The following SRFBP1 variants were observed in gnomAD, a reference collection of about 807,000 sequenced individuals.
SRFBP1 encodes serum response factor binding protein 1.
SRFBP1 carries 47 observed loss-of-function variants against 45.5 expected under a neutral mutation model. The observed-to-expected ratio is 1.03, with a 90% CI of 0.82 to 1.32. The LOEUF (loss-of-function observed/expected upper bound fraction) is 1.32, where lower values mean the gene tolerates loss of function less well. Ranked by LOEUF, SRFBP1 falls within the 40% of genes most tolerant of loss-of-function variation. The pLI, the probability that SRFBP1 is intolerant of heterozygous loss-of-function variation, is 0.00. For synonymous variants in SRFBP1, 203 were observed against 166.3 expected, an observed-to-expected ratio of 1.22 and a Z score of -1.70; for missense variants, 621 against 484.6, an observed-to-expected ratio of 1.28 and a Z score of -2.64.
chr5:121,969,481 A>G (rs760938602), intron 1 of SRFBP1, among the ~76,000 whole-genome samples: 9 of 151,836 alleles, frequency 5.9e-5, no homozygotes, highest in Non-Finnish European at 2.9e-5. Context: ...TCCTGTGTTT[A>G]TGTTGACTCT....
intron 4 of SRFBP1, among the ~76,000 whole-genome samples, chr5:122,016,980 C>T: frequency 6.6e-6 from 1 of 152,106 alleles, no homozygotes; most frequent in Non-Finnish European, 1.5e-5. Flanking sequence ...CCTGTAATCC[C>T]AGCACTTTGG....
intron 2 of SRFBP1, among the ~76,000 whole-genome samples, chr5:122,041,463 C>A (rs1281412672): frequency 6.6e-6 from 1 of 151,808 alleles, no homozygotes; most frequent in Non-Finnish European, 1.5e-5. Context: ...TGTGGGAGCT[C>A]CTCATATGTT....
intron 2 of SRFBP1, chr5:122,064,049 G>C (rs1035348231): frequency 1.3e-5 from 2 of 151,882 alleles, no homozygotes; most frequent in South Asian, 2.1e-4. Context: ...ATCATCATGA[G>C]ATCGCTAATA....
intron 2 of SRFBP1, among the ~76,000 whole-genome samples, chr5:122,068,174 T>TAAAAAAA (rs10650287): frequency 1.7e-5 from 2 of 115,908 alleles, no homozygotes; most frequent in Admixed American, 9.2e-5. Context: ...TAATAACTAG[T>TAAAAAAA]AAAAAAAAAA....
chr5:122,033,869 G>A (rs1753632811), intron 2 of SRFBP1, among the ~76,000 whole-genome samples: 1 of 144,652 alleles, frequency 6.9e-6, no homozygotes, highest in South Asian at 2.2e-4. Context: ...CATTGCCCAG[G>A]CTGGAGTGCA....
intron 2 of SRFBP1, among the ~76,000 whole-genome samples, chr5:122,045,554 T>C (rs750300787): frequency 1.3e-5 from 2 of 152,188 alleles, no homozygotes; most frequent in Non-Finnish European, 2.9e-5. Flanking sequence ...ATAATTCTCA[T>C]TGTAGAGATC....
downstream of SRFBP1, among the ~76,000 whole-genome samples, chr5:122,032,895 T>A (rs967821561): frequency 6.6e-6 from 1 of 152,222 alleles, no homozygotes; most frequent in Non-Finnish European, 1.5e-5. Flanking sequence ...CTGCAGTGTA[T>A]GACAGAGGCC....
At chr5:122,008,590 T>C (rs1753024775) in intron 4 of SRFBP1, among the ~76,000 whole-genome samples, 1 of 152,168 alleles carries the variant, frequency 6.6e-6, no homozygotes, top group Non-Finnish European at 1.5e-5. Flanking sequence ...GTTGTTTTTC[T>C]TTTTTTCTAA....
chr5:121,962,871 A>G (rs913940582), intron 1 of SRFBP1, among the ~76,000 whole-genome samples: 3 of 152,226 alleles, frequency 2.0e-5, no homozygotes, highest in Non-Finnish European at 4.4e-5. Context: ...TGAGCAAGTC[A>G]CTGTTTAGAT....
chr5:122,043,132 T>A (rs1038588115), intron 2 of SRFBP1, among the ~76,000 whole-genome samples: 1 of 152,218 alleles, frequency 6.6e-6, no homozygotes, highest in Non-Finnish European at 1.5e-5. Flanking sequence ...GATAGTCTCA[T>A]TCTTAAATAA....
At chr5:122,075,219 A>G (rs1245984149) in intron 2 of SRFBP1, 7 of 519,346 alleles carry the variant, frequency 1.3e-5, no homozygotes, top group South Asian at 3.8e-5. Flanking sequence ...CAGATTTTCC[A>G]TTTCAAAAGA....
chr5:122,007,949 A>C (rs1007056291), intron 4 of SRFBP1, among the ~76,000 whole-genome samples: 1 of 152,000 alleles, frequency 6.6e-6, no homozygotes, highest in Admixed American at 6.5e-5. Flanking sequence ...CTTGAAGCCT[A>C]GAGTTGTAAG....
chr5:121,963,043 A>G (rs978231241), intron 1 of SRFBP1, among the ~76,000 whole-genome samples: 1 of 152,218 alleles, frequency 6.6e-6, no homozygotes, highest in African/African-American at 2.4e-5. Flanking sequence ...GAAATGGGTG[A>G]TACTTGTCCT....
At chr5:122,030,838 A>G (rs149168035), downstream of SRFBP1, among the ~76,000 whole-genome samples, 576 of 152,332 alleles carry the variant, frequency 3.8e-3, 5 homozygotes, top group African/African-American at 0.013. Context: ...TACACAACCA[A>G]GAATATAGAC....
chr5:121,993,923 G>A (rs1272962807), intron 3 of SRFBP1, among the ~76,000 whole-genome samples: 6 of 151,718 alleles, frequency 4.0e-5, no homozygotes, highest in Admixed American at 1.3e-4. Flanking sequence ...CATTGTGACC[G>A]GAGATTGTTG....
At chr5:122,020,946 G>C in intron 6 of SRFBP1, 144 bp downstream of exon 6, 1 of 702,254 alleles carries the variant, frequency 1.4e-6, no homozygotes, top group Admixed American at 3.6e-5. Context: ...CAAGGTTGTA[G>C]TGGGGTATTA....
chr5:122,064,737 A>C (rs574014772), intron 2 of SRFBP1: 3 of 152,106 alleles, frequency 2.0e-5, no homozygotes, highest in South Asian at 2.1e-4. Flanking sequence ...GTCTCAATGC[A>C]TACCATGTGA....
chr5:122,043,682 A>G (rs1362157566), intron 2 of SRFBP1, among the ~76,000 whole-genome samples: 1 of 152,222 alleles, frequency 6.6e-6, no homozygotes, highest in African/African-American at 2.4e-5. Context: ...ACTCTACTTA[A>G]TAATACTCCA....
intron 3 of SRFBP1, among the ~76,000 whole-genome samples, chr5:121,976,096 C>G (rs1222130518): frequency 6.6e-6 from 1 of 151,862 alleles, no homozygotes. Context: ...GTATAACTTT[C>G]AAGTTTTGAA....
Sources: gnomAD v4.1 joint callset for allele counts (sites outside exome capture counted in the v4.1 genomes callset) on GRCh38, gnomAD v4.1.1 for gene constraint, MANE v1.5 for transcripts, NCBI Gene and HGNC (gene_info 2026-07-23, HGNC 2026-07-21) for gene names.